Variants in HMCN2 observed in about 807,000 individuals in gnomAD.
The protein encoded by HMCN2 is hemicentin-2.
Under a neutral mutation model 377.5 loss-of-function variants are expected in HMCN2, and 325 were observed. The ratio of observed to expected loss-of-function variants is 0.86; its 90% CI spans 0.79 to 0.94. The LOEUF (loss-of-function observed/expected upper bound fraction) is 0.94, where lower values mean the gene tolerates loss of function less well. Among genes scored for constraint, HMCN2 ranks in the 40% least tolerant of loss-of-function variants. The probability of loss-of-function intolerance (pLI) is 0.00; values close to 1 mark genes in which losing one functional copy is unlikely to be tolerated. For synonymous variants in HMCN2, 2,007 were observed against 2,046.8 expected (o/e 0.98, Z 0.53); for missense variants, 4,543 against 4,725.3 (o/e 0.96, Z 1.13).
chr9:130,273,658 C>T lies in HMCN2; in HGVS notation c.259+7521C>T, dbSNP rs926449560. On this transcript the variant is annotated intron_variant, in intron 1 of 97. Coordinates refer to ENST00000683500, the MANE Select transcript of HMCN2 (RefSeq NM_001291815.2). Reference sequence around the variant, plus strand: ...TATTATAGGCATGCGCCACCATGCCCAGCTAATTTTCGTATCTTTAGTAGA... The same window carrying T: ...TATTATAGGCATGCGCCACCATGCCTAGCTAATTTTCGTATCTTTAGTAGA... Among the ~76,000 whole-genome samples the T allele has an allele frequency of 2.0e-5, 3 of 152,306 alleles. No individual in the cohort carries two copies. In the South Asian group the frequency reaches 6.2e-4, roughly 32 times the overall value.
intron 1 of HMCN2, among the ~76,000 whole-genome samples, chr9:130,275,035 C>T (rs1017607767): frequency 6.6e-6 from 1 of 152,336 alleles, no homozygotes; most frequent in Admixed American, 6.5e-5. Flanking sequence ...ATCCAACTGC[C>T]CTCAAACACA....
chr9:130,392,736 G>A (rs112451847), intron 66 of HMCN2, among the ~76,000 whole-genome samples: 8 of 149,834 alleles, frequency 5.3e-5, no homozygotes, highest in East Asian at 1.9e-4. Flanking sequence ...GGTGGCTCAC[G>A]CCTGTAATCC....
intron 8 of HMCN2, among the ~76,000 whole-genome samples, chr9:130,301,774 G>C (rs1418291638): frequency 6.6e-6 from 1 of 152,266 alleles, no homozygotes; most frequent in East Asian, 1.9e-4. Flanking sequence ...TCCTCTGCTG[G>C]CGGGGATGGG....
chr9:130,268,938 C>G (rs1291798728), intron 1 of HMCN2, among the ~76,000 whole-genome samples: 2 of 148,932 alleles, frequency 1.3e-5, no homozygotes, highest in African/African-American at 4.9e-5. Context: ...TTCTGAGCAG[C>G]AGTTTGGAAC....
intron 4 of HMCN2, among the ~76,000 whole-genome samples, chr9:130,289,346 G>T (rs980906067): frequency 6.6e-6 from 1 of 152,136 alleles, no homozygotes; most frequent in Non-Finnish European, 1.5e-5. Context: ...AAGATGGGGG[G>T]GTGAGGGGGA....
At position 130,356,190 on chromosome 9, in the gene HMCN2, C is replaced by A; in HGVS notation, c.5358C>A (p.Gly1786=). The part of the protein sequence containing the change: ...HIDHVELDHS[G]LFACQATNEA... ...ACCATGTGGAGCTGGACCACTCAGG[C>A]CTCTTCGCCTGCCAGGCCACCAATG... The change falls in exon 34 of 98, where the codon GGC becomes GGA. Residue 1786 remains glycine, a synonymous_variant. Transcript: ENST00000683500. 1 of 1,303,122 alleles carries A rather than the reference C, an allele frequency of 7.7e-7. No individual in the cohort carries two copies. Among genetic ancestry groups the A allele is most frequent in the Non-Finnish European group, 1.0e-6 (1 of 988,816 alleles). The allele number at this position is 1,303,122 out of a possible 1,614,324, so 80.7% of individuals were successfully genotyped here.
At chr9:130,419,412 C>T (rs1382898373) in intron 86 of HMCN2, 1 of 177,536 alleles carries the variant, frequency 5.6e-6, no homozygotes, top group African/African-American at 2.4e-5. Context: ...TCCCAGGCAT[C>T]ACACATTGCC....
At chr9:130,297,366 C>T (rs1242041634) in intron 7 of HMCN2, among the ~76,000 whole-genome samples, 2 of 152,282 alleles carry the variant, frequency 1.3e-5, no homozygotes, top group East Asian at 1.9e-4. Context: ...CACCAGGGTC[C>T]GAGGATGCCT....
chr9:130,304,669 G>T lies in HMCN2; in HGVS notation c.1544-61G>T. The T allele has an allele frequency of 2.4e-6, 1 of 415,504 alleles. No homozygotes were observed. 25.7% of individuals were successfully genotyped at this position (415,504 alleles called of 1,614,324 possible). ...GGGGTTCTGGGCAGCACCAGGGCTT[G>T]CACGATGACCCCCTCCCTTGCCTCA... On this transcript the variant is annotated intron_variant, in intron 10 of 97. Coordinates refer to ENST00000683500, the MANE Select transcript of HMCN2 (RefSeq NM_001291815.2). The surrounding 1 kb of genome is among the most constrained non-coding windows in gnomAD (Gnocchi z 4.3).
chr9:130,403,742 A>G lies in HMCN2; in HGVS notation c.12015A>G (p.Gly4005=), dbSNP rs1177098405. ...WQKEGLNVAT[G]VSTQVLPGGQ... Reference sequence around the variant, plus strand: ...CCGATTTTCTTCTTCCTCGTTCAGGAGTGAGTACCCAGGTCCTACCAGGCG... The same window carrying G: ...CCGATTTTCTTCTTCCTCGTTCAGGGGTGAGTACCCAGGTCCTACCAGGCG... The change falls in exon 80 of 98, where the codon GGA becomes GGG. Residue 4005 remains glycine (G), a splice_region_variant and synonymous_variant. Coordinates refer to ENST00000683500, the MANE Select transcript of HMCN2 (RefSeq NM_001291815.2). The G allele has an allele frequency of 7.8e-7, 1 of 1,289,626 alleles. No individual in the cohort carries two copies. Among genetic ancestry groups the G allele is most frequent in the Non-Finnish European group, 1.0e-6 (1 of 988,782 alleles). 79.9% of individuals were successfully genotyped at this position (1,289,626 alleles called of 1,614,324 possible). A position where few individuals can be genotyped will look rare whatever the true frequency, so the allele number is the denominator to read the frequency against.
At position 130,265,909 on chromosome 9, in the gene HMCN2, CT is replaced by C. The variant is rs1318363083; in HGVS notation, c.32del (p.Leu11ArgfsTer19). ...GCCCGGGGCGCCGCTCCTGCGGCTGCTGACCGCGGTCTCTGCGGCAGTGGCA... is the reference window on the plus strand; with the variant it reads ...GCCCGGGGCGCCGCTCCTGCGGCTGCGACCGCGGTCTCTGCGGCAGTGGCA... MMPGAPLLRL[L>X]TAVSAAVAVA... On this transcript the variant is annotated frameshift_variant, in exon 1 of 98. Coordinates refer to ENST00000683500, the MANE Select transcript of HMCN2 (RefSeq NM_001291815.2). LOFTEE classifies it high-confidence loss of function. The C allele has an allele frequency of 2.6e-6, 1 of 378,680 alleles. No homozygotes were observed. The highest frequency in any genetic ancestry group is 5.3e-6 in the Non-Finnish European group (1 of 189,680). The allele number at this position is 378,680 out of a possible 1,614,324, so 23.5% of individuals were successfully genotyped here. A position where few individuals can be genotyped will look rare whatever the true frequency, so the allele number is the denominator to read the frequency against.
intron 6 of HMCN2, 54 bp from the exon 7 acceptor site, chr9:130,296,620 G>A (rs1160458258): frequency 6.5e-6 from 3 of 463,602 alleles, no homozygotes; most frequent in Admixed American, 2.4e-5. Flanking sequence ...CCTGCCCTAA[G>A]CTGGAGTGCT....
chr9:130,399,754 C>T (rs1842778207), intron 76 of HMCN2, 122 bp downstream of exon 76: 1 of 637,908 alleles, frequency 1.6e-6, no homozygotes, highest in South Asian at 2.2e-5. Context: ...TGGACACCTC[C>T]TCCAGGAAGG....
At chr9:130,373,377 C>T (rs1302970852) in intron 48 of HMCN2, among the ~76,000 whole-genome samples, 1 of 152,212 alleles carries the variant, frequency 6.6e-6, no homozygotes, top group Non-Finnish European at 1.5e-5. Context: ...TTGGCTGGCC[C>T]CTAAGGCTCA....
chr9:130,367,024 T>C (rs1442032165), intron 43 of HMCN2, among the ~76,000 whole-genome samples: 4 of 152,046 alleles, frequency 2.6e-5, no homozygotes, highest in African/African-American at 7.3e-5. Context: ...AGCTAAGGGC[T>C]GAACATGAGA....
chr9:130,276,742 G>A (rs1229895994), intron 1 of HMCN2, among the ~76,000 whole-genome samples: 6 of 152,188 alleles, frequency 3.9e-5, no homozygotes, highest in African/African-American at 1.4e-4. Flanking sequence ...TTGCCCAGAC[G>A]GGCTCAGGGG....
chr9:130,397,535 A>G lies in HMCN2; in HGVS notation c.11206A>G (p.Ile3736Val), dbSNP rs949802151. The G allele has an allele frequency of 2.3e-6, 3 of 1,289,708 alleles. No homozygotes were observed. The African/African-American group carries it at 4.6e-5, about 20-fold the overall frequency. 79.9% of individuals were successfully genotyped at this position (1,289,708 alleles called of 1,614,324 possible). Reference sequence around the variant, plus strand: ...AACCCCCATCCATTCTAGGTTTGAAATTCTGCCTGAGGGTTCCCTGAGAAT... The same window carrying G: ...AACCCCCATCCATTCTAGGTTTGAAGTTCTGCCTGAGGGTTCCCTGAGAAT... Reference protein sequence around the residue: ...PLDPRSPRFEILPEGSLRIQP... With the variant: ...PLDPRSPRFEVLPEGSLRIQP... Residue 3736 changes from isoleucine (I) to valine (V), a missense_variant, in exon 74 of 98, where the codon ATT becomes GTT. Ile to Val is a conservative substitution (Grantham distance 29). This residue lies in a region of HMCN2 where 1,073 missense variants were observed against 1,319.5 expected (regional missense o/e 0.81). Coordinates refer to ENST00000683500, the MANE Select transcript of HMCN2 (RefSeq NM_001291815.2).
intron 97 of HMCN2, 47 bp from the exon 98 acceptor site, chr9:130,433,301 G>T (rs1470968040): frequency 1.5e-6 from 2 of 1,369,412 alleles, no homozygotes; most frequent in South Asian, 1.6e-5. Flanking sequence ...GCCACGCTCC[G>T]ACCGCACCCC....
At chr9:130,429,873 A>G in intron 94 of HMCN2, 188 bp downstream of exon 94, 1 of 1,142,490 alleles carries the variant, frequency 8.8e-7, no homozygotes, top group Non-Finnish European at 1.2e-6. Context: ...AGCAGCCGAC[A>G]CTTTGCACTC....
Sources: allele counts gnomAD v4.1 joint callset (sites outside exome capture counted in the v4.1 genomes callset), GRCh38; gene constraint gnomAD v4.1.1; regional missense constraint gnomAD v4.1.1; non-coding constraint Gnocchi (gnomAD v3.1); transcripts MANE v1.5; gene names NCBI Gene and HGNC (gene_info 2026-07-23, HGNC 2026-07-21).